The following TLE4 variants were observed in gnomAD, a reference collection of about 807,000 sequenced individuals.
TLE4 encodes transducin-like enhancer protein 4.
A neutral mutation model predicts 92.8 loss-of-function variants in TLE4; 8 were observed. The ratio of observed to expected loss-of-function variants is 0.09; its 90% CI spans 0.05 to 0.16. The LOEUF (loss-of-function observed/expected upper bound fraction) is 0.16. Among genes scored for constraint, TLE4 ranks in the 10% least tolerant of loss-of-function variants. The pLI, the probability that TLE4 is intolerant of heterozygous loss-of-function variation, is 1.00. For synonymous variants in TLE4, 371 were observed against 374.1 expected, an observed-to-expected ratio of 0.99 and a Z score of 0.10; for missense variants, 675 against 997.6, an observed-to-expected ratio of 0.68 and a Z score of 4.36.
intron 14 of TLE4, among the ~76,000 whole-genome samples, chr9:79,711,920 G>A (rs544508165): frequency 3.9e-5 from 6 of 152,284 alleles, no homozygotes; most frequent in African/African-American, 1.4e-4. Flanking sequence ...AGCATGTGGT[G>A]CAGTCAACAG....
At chr9:79,699,819 G>T (rs555824138) in intron 8 of TLE4, among the ~76,000 whole-genome samples, 1 of 152,218 alleles carries the variant, frequency 6.6e-6, no homozygotes, top group South Asian at 2.1e-4. Context: ...GGTATTTGCA[G>T]TCTTGCCTCT....
intron 8 of TLE4, among the ~76,000 whole-genome samples, chr9:79,702,077 T>C (rs1470996081): frequency 6.6e-6 from 1 of 152,100 alleles, no homozygotes; most frequent in African/African-American, 2.4e-5. Context: ...CTTGAGAAAA[T>C]AGTCATTGCC....
chr9:79,674,694 G>A (rs2062973404), intron 8 of TLE4, among the ~76,000 whole-genome samples: 1 of 152,080 alleles, frequency 6.6e-6, no homozygotes, highest in Admixed American at 6.6e-5. Flanking sequence ...TTGTCACGTG[G>A]GGCGGGATGT....
At chr9:79,723,126 G>T in intron 19 of TLE4, 91 bp downstream of exon 19, 1 of 1,255,928 alleles carries the variant, frequency 8.0e-7, no homozygotes, top group South Asian at 1.3e-5. Flanking sequence ...AAGTGTCCTG[G>T]GAGGTCAGAG....
intron 4 of TLE4, among the ~76,000 whole-genome samples, chr9:79,587,220 A>C (rs2041347338): frequency 6.6e-6 from 1 of 152,240 alleles, no homozygotes; most frequent in Non-Finnish European, 1.5e-5. Context: ...CATTTCATGT[A>C]GCATCACATA....
intron 4 of TLE4, among the ~76,000 whole-genome samples, chr9:79,584,810 T>G (rs1283809854): frequency 6.6e-6 from 1 of 152,208 alleles, no homozygotes; most frequent in African/African-American, 2.4e-5. Context: ...TTGCTGTGCC[T>G]TTGAGGAACA....
At chr9:79,707,018 T>C (rs2071778709) in intron 11 of TLE4, 119 bp downstream of exon 11, 1 of 1,560,224 alleles carries the variant, frequency 6.4e-7, no homozygotes, top group African/African-American at 1.4e-5. Context: ...CAAATGTATA[T>C]ATGTTCGGTA....
At chr9:79,580,319 GT>G (rs2039291228) in intron 4 of TLE4, 1 of 152,248 alleles carries the variant, frequency 6.6e-6, no homozygotes, top group Non-Finnish European at 1.5e-5. Flanking sequence ...TGCAGTTAAT[GT>G]GTAAATAAGT....
intron 6 of TLE4, among the ~76,000 whole-genome samples, chr9:79,628,169 A>G (rs916700066): frequency 1.3e-5 from 2 of 152,140 alleles, no homozygotes; most frequent in African/African-American, 4.8e-5. Context: ...TCACAGCTGT[A>G]AAGAGCATAA....
At chr9:79,643,900 CT>C (rs1321866697) in intron 6 of TLE4, among the ~76,000 whole-genome samples, 1 of 152,106 alleles carries the variant, frequency 6.6e-6, no homozygotes, top group African/African-American at 2.4e-5. Flanking sequence ...TAAAGAAGAG[CT>C]TTTCCTGTTT....
intron 8 of TLE4, among the ~76,000 whole-genome samples, chr9:79,686,427 G>A (rs1026521917): frequency 3.3e-5 from 5 of 152,256 alleles, no homozygotes; most frequent in African/African-American, 1.2e-4. Flanking sequence ...TCTGATCCCC[G>A]GTACCTGTGA....
At chr9:79,684,375 G>A (rs747658249) in intron 8 of TLE4, among the ~76,000 whole-genome samples, 8 of 152,110 alleles carry the variant, frequency 5.3e-5, no homozygotes, top group Non-Finnish European at 1.2e-4. Flanking sequence ...GGTGAGTGGC[G>A]GCTGAGTGAG....
Position 79,576,211 on chromosome 9 carries a change from A to G in TLE4, c.252+34A>G, listed in dbSNP as rs567900234. On this transcript the variant is annotated intron_variant, in intron 4 of 19. Coordinates refer to ENST00000376552, the MANE Select transcript of TLE4 (RefSeq NM_007005.6). ...TTTCTTTATAACCATTTTAAATGAC[A>G]GTAATACTGGGACACTATGAAAAGA... is the stretch of plus-strand genomic sequence containing the variant. 23 of 1,447,666 alleles carry G rather than the reference A, an allele frequency of 1.6e-5. No individual in the cohort carries two copies. The South Asian group carries it at 2.9e-4, about 18-fold the overall frequency. The allele number at this position is 1,447,666 out of a possible 1,614,324, so 89.7% of individuals were successfully genotyped here.
intron 6 of TLE4, among the ~76,000 whole-genome samples, chr9:79,644,105 A>G (rs963962658): frequency 2.6e-5 from 4 of 152,008 alleles, no homozygotes. Flanking sequence ...GGTGGGAGGG[A>G]TCTCGTGGGA....
intron 8 of TLE4, among the ~76,000 whole-genome samples, chr9:79,695,373 A>C (rs989853396): frequency 2.0e-5 from 3 of 151,972 alleles, no homozygotes; most frequent in African/African-American, 7.3e-5. Context: ...ACACACACAC[A>C]CACCACTGTT....
chr9:79,678,254 C>A (rs371927470), intron 8 of TLE4, among the ~76,000 whole-genome samples: 4 of 152,034 alleles, frequency 2.6e-5, no homozygotes, highest in South Asian at 4.1e-4. Context: ...TTGTCATAAT[C>A]CTGACTTTAT....
chr9:79,575,297 GC>G (rs1468016486), intron 3 of TLE4, among the ~76,000 whole-genome samples: 2 of 151,978 alleles, frequency 1.3e-5, no homozygotes, highest in Non-Finnish European at 2.9e-5. Flanking sequence ...AACAATTTTT[GC>G]CAGTTTTTCT....
chr9:79,658,006 G>A (rs2134355637), intron 8 of TLE4, among the ~76,000 whole-genome samples: 1 of 152,198 alleles, frequency 6.6e-6, no homozygotes, highest in African/African-American at 2.4e-5. Flanking sequence ...AATATAGCAC[G>A]AGTACTTTTT....
intron 8 of TLE4, chr9:79,693,638 AG>A (rs768878958): frequency 1.9e-6 from 1 of 518,070 alleles, no homozygotes; most frequent in East Asian, 5.5e-5. Flanking sequence ...GGAAAGAGAG[AG>A]ACAAACTCAA....
Sources: gnomAD v4.1 joint callset for allele counts (sites outside exome capture counted in the v4.1 genomes callset) on GRCh38, gnomAD v4.1.1 for gene constraint, MANE v1.5 for transcripts, NCBI Gene and HGNC (gene_info 2026-07-23, HGNC 2026-07-21) for gene names.